Variants in NELL1 observed in about 807,000 individuals in gnomAD.
The protein encoded by NELL1 is neural EGFL like 1.
NELL1 carries 76 observed loss-of-function variants against 107.4 expected under a neutral mutation model. That is an observed-to-expected ratio of 0.71 (90% CI 0.59 to 0.86). NELL1 has a LOEUF of 0.86. NELL1 is among the 40% of genes least tolerant of loss of function. The probability of loss-of-function intolerance (pLI) is 0.00; values close to 1 mark genes in which losing one functional copy is unlikely to be tolerated. For missense variants in NELL1, 1,024 were observed against 1,005.5 expected (o/e 1.02, Z -0.25); for synonymous variants, 353 against 341.2 (o/e 1.03, Z -0.38).
intron 2 of NELL1, among the ~76,000 whole-genome samples, chr11:20,717,104 C>G (rs553898229): frequency 6.6e-6 from 1 of 152,248 alleles, no homozygotes; most frequent in Non-Finnish European, 1.5e-5. Flanking sequence ...TGCATACCTC[C>G]TTGTTCATGG....
intron 15 of NELL1, among the ~76,000 whole-genome samples, chr11:21,448,215 G>A (rs1853489166): frequency 6.6e-6 from 1 of 152,068 alleles, no homozygotes; most frequent in Non-Finnish European, 1.5e-5. Context: ...TTGTGTGTGG[G>A]TAGTTGTCAA....
At chr11:20,803,964 G>C (rs1857330826) in intron 3 of NELL1, among the ~76,000 whole-genome samples, 1 of 152,076 alleles carries the variant, frequency 6.6e-6, no homozygotes, top group South Asian at 2.1e-4. Flanking sequence ...CGGACTCCCA[G>C]TTTCTTCAGC....
intron 12 of NELL1, among the ~76,000 whole-genome samples, chr11:20,982,604 T>C (rs1488561170): frequency 6.6e-6 from 1 of 152,236 alleles, no homozygotes; most frequent in Non-Finnish European, 1.5e-5. Flanking sequence ...ATTCATATGA[T>C]GTCTTCAGTA....
At chr11:20,922,804 C>T (rs118028909) in intron 7 of NELL1, among the ~76,000 whole-genome samples, 9 of 152,044 alleles carry the variant, frequency 5.9e-5, no homozygotes, top group South Asian at 2.1e-4. Context: ...GTAAGTTATT[C>T]GACTTGTTTC....
At chr11:21,510,086 A>G (rs1855395115) in intron 15 of NELL1, among the ~76,000 whole-genome samples, 1 of 152,316 alleles carries the variant, frequency 6.6e-6, no homozygotes, top group African/African-American at 2.4e-5. Flanking sequence ...TCGGCACTTG[A>G]GTTGAATGGC....
At chr11:20,890,516 A>T (rs561506254) in intron 5 of NELL1, among the ~76,000 whole-genome samples, 4 of 152,222 alleles carry the variant, frequency 2.6e-5, no homozygotes, top group Admixed American at 1.3e-4. Context: ...TCAGATGGAC[A>T]AATTGACAGA....
intron 12 of NELL1, among the ~76,000 whole-genome samples, chr11:21,016,345 T>G (rs189159458): frequency 1.5e-4 from 23 of 152,218 alleles, no homozygotes; most frequent in African/African-American, 5.3e-4. Flanking sequence ...CTCTGATGCA[T>G]TTGGCTGAGT....
At chr11:21,353,843 AT>A (rs1360597284) in intron 14 of NELL1, among the ~76,000 whole-genome samples, 2 of 152,120 alleles carry the variant, frequency 1.3e-5, no homozygotes, top group African/African-American at 4.8e-5. Flanking sequence ...AAAGTAGTAA[AT>A]TTTCAACAAA....
intron 15 of NELL1, among the ~76,000 whole-genome samples, chr11:21,517,310 T>G (rs771421566): frequency 3.3e-5 from 5 of 152,162 alleles, no homozygotes; most frequent in Non-Finnish European, 5.9e-5. Flanking sequence ...TTGGTCTAAA[T>G]GACATTTTCA....
intron 15 of NELL1, among the ~76,000 whole-genome samples, chr11:21,493,374 C>G (rs1187786730): frequency 6.6e-6 from 1 of 152,010 alleles, no homozygotes; most frequent in Non-Finnish European, 1.5e-5. Flanking sequence ...GTAAATGTGG[C>G]ATGTATACAC....
chr11:21,503,695 GTATAAATCCAGTCATTTAGAGGC>G (rs1336300683), intron 15 of NELL1, among the ~76,000 whole-genome samples: 1 of 152,092 alleles, frequency 6.6e-6, no homozygotes, highest in Non-Finnish European at 1.5e-5. Context: ...GGGTCGCTGG[GTATAAATCCAGTCATTTAGAGGC>G]TATTCTCAGT....
chr11:20,823,329 GC>G (rs1239737059), intron 3 of NELL1, among the ~76,000 whole-genome samples: 1 of 151,038 alleles, frequency 6.6e-6, no homozygotes, highest in African/African-American at 2.4e-5. Context: ...AACAGTATGG[GC>G]GAAACTGTCG....
chr11:20,915,599 G>A (rs1367313667), intron 5 of NELL1, among the ~76,000 whole-genome samples: 1 of 149,964 alleles, frequency 6.7e-6, no homozygotes, highest in African/African-American at 2.4e-5. Context: ...AGAGTTAAAT[G>A]AGGAGAAATA....
At chr11:21,404,115 G>C (rs1852171797) in intron 15 of NELL1, among the ~76,000 whole-genome samples, 1 of 145,868 alleles carries the variant, frequency 6.9e-6, no homozygotes, top group African/African-American at 2.5e-5. Context: ...ACATGTGACA[G>C]TCAAGCAACT....
chr11:20,755,760 T>A (rs1305751629), intron 2 of NELL1, among the ~76,000 whole-genome samples: 3 of 151,728 alleles, frequency 2.0e-5, no homozygotes, highest in Non-Finnish European at 4.4e-5. Context: ...TTCACCATGT[T>A]GGCCAGGCTG....
In NELL1 at chr11:21,288,103, A is replaced by T. The variant is rs573412036; in HGVS notation, c.1549+58649A>T. ...GGAGAAGGAAAAAAGAGGGAAGGAAAGAGGAAGGAAGGAAGGGAAGGAATG... is the reference window on the plus strand; with the variant it reads ...GGAGAAGGAAAAAAGAGGGAAGGAATGAGGAAGGAAGGAAGGGAAGGAATG... On this transcript the variant is annotated intron_variant, in intron 14 of 19. Coordinates refer to ENST00000357134, the MANE Select transcript of NELL1 (RefSeq NM_006157.5). 5.9e-5 allele frequency among the ~76,000 whole-genome samples: 9 copies of T among 151,742 alleles called. No individual in the cohort carries two copies. In the South Asian group the frequency reaches 1.3e-3, roughly 21 times the overall value.
intron 14 of NELL1, among the ~76,000 whole-genome samples, chr11:21,241,201 T>A (rs1484540490): frequency 6.6e-6 from 1 of 152,098 alleles, no homozygotes; most frequent in Non-Finnish European, 1.5e-5. Flanking sequence ...ATTACTGAAA[T>A]ATTTCATTGT....
At chr11:21,487,880 A>G (rs562754836) in intron 15 of NELL1, among the ~76,000 whole-genome samples, 3 of 152,330 alleles carry the variant, frequency 2.0e-5, no homozygotes, top group South Asian at 2.1e-4. Context: ...AGGAGTAGCT[A>G]TACTTATTTC....
intron 14 of NELL1, among the ~76,000 whole-genome samples, chr11:21,248,883 C>A (rs1858565224): frequency 6.6e-6 from 1 of 152,018 alleles, no homozygotes. Flanking sequence ...TAATATTGGA[C>A]AATGAGTCTC....
Sources: allele counts gnomAD v4.1 joint callset (sites outside exome capture counted in the v4.1 genomes callset), GRCh38; gene constraint gnomAD v4.1.1; transcripts MANE v1.5; gene names NCBI Gene and HGNC (gene_info 2026-07-23, HGNC 2026-07-21).